The following GIGYF1 variants were observed in gnomAD, a reference collection of about 807,000 sequenced individuals.
The protein encoded by GIGYF1 is GRB10 interacting GYF protein 1.
In GIGYF1, 84 loss-of-function variants were observed where a neutral mutation model predicts 147.1. The observed-to-expected ratio is 0.57, with a 90% CI of 0.48 to 0.68. The LOEUF is 0.68. GIGYF1 is among the 30% of genes least tolerant of loss of function. GIGYF1 has a pLI of 0.00. For missense variants in GIGYF1, 1,485 were observed against 1,393.7 expected (o/e 1.07, Z -1.04); for synonymous variants, 752 against 589.5 (o/e 1.28, Z -3.99).
In GIGYF1 at chr7:100,687,884, C is replaced by G; in HGVS notation, c.166-1G>C. 6.2e-7 allele frequency: 1 copy of G among 1,613,664 alleles called. No homozygotes were observed. The highest frequency in any genetic ancestry group is 8.5e-7 in the Non-Finnish European group (1 of 1,179,988). ...CCTTGTCCTGCAGCTCTTCCGGGAC[C>G]TGGCAGTGGGTTGGGACAGCCAAGA... is the stretch of plus-strand genomic sequence containing the variant. On this transcript the variant is annotated splice_acceptor_variant, in intron 5 of 26. Transcript: ENST00000678049. LOFTEE classifies it high-confidence loss of function.
In GIGYF1 at chr7:100,687,777, C is replaced by A. The variant is rs1265086924; in HGVS notation, c.261+11G>T. On this transcript the variant is annotated intron_variant, in intron 6 of 26. Coordinates refer to ENST00000678049, the MANE Select transcript of GIGYF1 (RefSeq NM_001375765.1). ...AGGCTCCCGCAGCCTCAGCTCCTGG[C>A]CCGGTCCCACCTGTTCCTCCTCAGT... 1 of 1,611,066 alleles carries A rather than the reference C, an allele frequency of 6.2e-7. No homozygotes were observed. The highest frequency in any genetic ancestry group is 1.3e-5 in the African/African-American group (1 of 74,834).
rs749173895 is a variant in GIGYF1, at chr7:100,686,011, T to TTCC, written c.1014_1016dup (p.Glu339dup). On this transcript the variant is annotated inframe_insertion, in exon 12 of 27. Coordinates refer to ENST00000678049, the MANE Select transcript of GIGYF1 (RefSeq NM_001375765.1). ...CTTCCTCCTCTAGCCCTTCGGAAGG[T>TTCC]TCCTCCTCCTCCTCCAACCCTTGGA... The TTCC allele has an allele frequency of 3.1e-6, 5 of 1,612,550 alleles. No individual in the cohort carries two copies. The South Asian group carries it at 3.3e-5, about 11-fold the overall frequency.
At position 100,685,093 on chromosome 7, in the gene GIGYF1, G is replaced by A. The variant is rs199835152; in HGVS notation, c.1246C>T (p.Pro416Ser). ...CCTTCATCATCCTCCAGATCTCCGGGTGGGCCAGCAGAGGAGCCCACCCCG... is the reference window on the plus strand; with the variant it reads ...CCTTCATCATCCTCCAGATCTCCGGATGGGCCAGCAGAGGAGCCCACCCCG... The part of the protein sequence containing the change: ...SPGVGSSAGP[P>S]GDLEDDEGLK... Residue 416 changes from proline (P) to serine (S), a missense_variant, in exon 14 of 27, where the codon CCC (proline) becomes TCC (serine). Transcript: ENST00000678049. 231 of 1,581,458 alleles carry A rather than the reference G, an allele frequency of 1.5e-4. No individual in the cohort carries two copies. Among genetic ancestry groups the A allele is most frequent in the Non-Finnish European group, 9.4e-5 (109 of 1,162,706 alleles).
At chr7:100,686,157 C>T (rs767753127) in intron 11 of GIGYF1, 23 bp downstream of exon 11, 1 of 1,601,996 alleles carries the variant, frequency 6.2e-7, no homozygotes, top group South Asian at 1.1e-5. Flanking sequence ...GGCAGGTTCC[C>T]ACCCTCGCCT....
intron 12 of GIGYF1, among the ~76,000 whole-genome samples, chr7:100,685,759 A>G (rs993368313): frequency 2.0e-5 from 3 of 152,128 alleles, no homozygotes; most frequent in Non-Finnish European, 4.4e-5. Flanking sequence ...AGGGACTTTC[A>G]AAGGTCATTT....
At position 100,683,559 on chromosome 7, in the gene GIGYF1, C is replaced by T; in HGVS notation, c.2043G>A (p.Leu681=). The T allele has an allele frequency of 6.2e-7, 1 of 1,614,228 alleles. No homozygotes were observed. Residue 681 remains leucine (L), a synonymous_variant, in exon 20 of 27, where the codon CTG becomes CTA. Coordinates refer to ENST00000678049, the MANE Select transcript of GIGYF1 (RefSeq NM_001375765.1). ...TQGPILEQLQ[L]QHKFQERREV... ...CAGGATGCCCACTCACTTTATGTTG[C>T]AGCTGGAGTTGTTCTAGAATTGGAC...
Position 100,684,098 on chromosome 7 carries a change from G to A in GIGYF1, c.1790C>T (p.Pro597Leu). 1 of 1,607,330 alleles carries A rather than the reference G, an allele frequency of 6.2e-7. No individual in the cohort carries two copies. The highest frequency in any genetic ancestry group is 8.5e-7 in the Non-Finnish European group (1 of 1,179,686). The change falls in exon 18 of 27, where the codon CCA (proline) becomes CTA (leucine). Residue 597 changes from proline (P) to leucine (L), a missense_variant. Physicochemically the swap from Pro to Leu is moderately conservative, Grantham distance 98. Transcript: ENST00000678049. ...EKAALGDLTP[P>L]PPPPPQQQQQ... Reference sequence around the variant, plus strand: ...CTGCTGCTGTGGCGGCGGCGGTGGTGGCGGTGTCAGGTCCCCCAGAGCTGC... The same window carrying A: ...CTGCTGCTGTGGCGGCGGCGGTGGTAGCGGTGTCAGGTCCCCCAGAGCTGC...
intron 13 of GIGYF1, 71 bp downstream of exon 13, chr7:100,685,273 C>A: frequency 6.5e-7 from 1 of 1,538,146 alleles, no homozygotes; most frequent in Non-Finnish European, 8.8e-7. Flanking sequence ...GTGTGCCCAC[C>A]CCCACGAGTG....
intron 18 of GIGYF1, 24 bp from the exon 19 acceptor site, chr7:100,683,942 T>C (rs1805052507): frequency 3.2e-6 from 5 of 1,560,724 alleles, no homozygotes; most frequent in African/African-American, 1.4e-5. Context: ...TGTGGATTCT[T>C]AGGACCCCAA....
rs1562880310 is a variant in GIGYF1, at chr7:100,686,671, GTCGCC to G, written c.667_671del (p.Gly223ProfsTer8). 6.2e-7 allele frequency: 1 copy of G among 1,612,426 alleles called. No homozygotes were observed. On this transcript the variant is annotated frameshift_variant, in exon 10 of 27. Transcript: ENST00000678049. LOFTEE classifies it high-confidence loss of function. ...CACCAGGGCTGGCGGAGCGCCAGCG[GTCGCC>G]GTCTCGCCGGGGCCCTGCTCCGAGC... is the stretch of plus-strand genomic sequence containing the variant.
chr7:100,690,059 C>G (rs1171089151), intron 1 of GIGYF1, among the ~76,000 whole-genome samples: 3 of 152,184 alleles, frequency 2.0e-5, no homozygotes, highest in African/African-American at 4.8e-5. Flanking sequence ...GGCCGCACAC[C>G]AATGTGAGTG....
chr7:100,688,369 G>T, intron 3 of GIGYF1, 62 bp from the exon 4 acceptor site: 1 of 796,062 alleles, frequency 1.3e-6, no homozygotes, highest in South Asian at 1.6e-5. Flanking sequence ...GCGCAGGGAG[G>T]ACACCATGGG....
At position 100,689,046 on chromosome 7, in the gene GIGYF1, C is replaced by T. The variant is rs10233533; in HGVS notation, c.-589G>A. 0.092 allele frequency: 14,070 copies of T among 152,550 alleles called. 1,756 individuals are homozygous for T. Among genetic ancestry groups the T allele is most frequent in the East Asian group, 0.5 (2,591 of 5,160 alleles). The allele number at this position is 152,550 out of a possible 1,614,324, so 9.4% of individuals were successfully genotyped here. On this transcript the variant is annotated 5_prime_UTR_variant, in exon 2 of 27. Transcript: ENST00000678049. ...ATAAATCTAGGAGCAAAATTCTTTC[C>T]CTCATGAAAAAAATCAGTTGGCTGC... is the stretch of plus-strand genomic sequence containing the variant.
intron 10 of GIGYF1, 85 bp from the exon 11 acceptor site, chr7:100,686,518 C>A: frequency 2.0e-6 from 3 of 1,519,912 alleles, no homozygotes; most frequent in Non-Finnish European, 2.6e-6. Flanking sequence ...GGAGCACCTC[C>A]AGGGCTGCTG....
At chr7:100,688,337 G>T in intron 3 of GIGYF1, 30 bp from the exon 4 acceptor site, 1 of 1,053,896 alleles carries the variant, frequency 9.5e-7, no homozygotes, top group Non-Finnish European at 1.4e-6. Context: ...ATGAAGAACA[G>T]CACACGAAGG....
At chr7:100,686,969 C>T (rs1443549595) in intron 9 of GIGYF1, 37 bp downstream of exon 9, 1 of 1,613,148 alleles carries the variant, frequency 6.2e-7, no homozygotes. Context: ...CTTGGTCCTC[C>T]CTGCCGCCCC....
rs1562862490 is a variant in GIGYF1 at position 100,680,044 on chromosome 7, TAG to T, written c.*1673_*1674del. 1 of 151,904 alleles carries T rather than the reference TAG, an allele frequency of 6.6e-6. No individual in the cohort carries two copies. Among genetic ancestry groups the T allele is most frequent in the Non-Finnish European group, 1.5e-5 (1 of 67,984 alleles). The allele number at this position is 151,904 out of a possible 1,614,324, so 9.4% of individuals were successfully genotyped here. On this transcript the variant is annotated 3_prime_UTR_variant, in exon 27 of 27. Coordinates refer to ENST00000678049, the MANE Select transcript of GIGYF1 (RefSeq NM_001375765.1). ...CCCGGCCCGTCACCCCTTATTGCTT[TAG>T]AGAGAATATTGTCTTTTCAGGGACG...
intron 12 of GIGYF1, 129 bp from the exon 13 acceptor site, chr7:100,685,610 G>C: frequency 1.9e-6 from 2 of 1,029,992 alleles, no homozygotes; most frequent in Non-Finnish European, 2.8e-6. Context: ...CTTCACTTGG[G>C]TCAACTCAAC....
At chr7:100,687,652 G>A in intron 6 of GIGYF1, 36 bp from the exon 7 acceptor site, 1 of 1,547,910 alleles carries the variant, frequency 6.5e-7, no homozygotes, top group Non-Finnish European at 8.8e-7. Context: ...TGAGGACCCA[G>A]GCACCCAACC....
Sources: allele counts gnomAD v4.1 joint callset (sites outside exome capture counted in the v4.1 genomes callset), GRCh38; gene constraint gnomAD v4.1.1; transcripts MANE v1.5; gene names NCBI Gene and HGNC (gene_info 2026-07-23, HGNC 2026-07-21).